Variants in ERG observed in about 807,000 individuals in gnomAD.
The protein encoded by ERG is transcriptional regulator ERG.
In ERG, 9 loss-of-function variants were observed where a neutral mutation model predicts 55.3. The observed-to-expected ratio is 0.16, with a 90% confidence interval of 0.10 to 0.28. The LOEUF (loss-of-function observed/expected upper bound fraction) is 0.28. Among genes scored for constraint, ERG ranks in the 10% least tolerant of loss-of-function variants. The pLI is 1.00. For missense variants in ERG, 434 were observed against 631.6 expected, an observed-to-expected ratio of 0.69 and a Z score of 3.35; for synonymous variants, 223 against 237.3, an observed-to-expected ratio of 0.94 and a Z score of 0.55.
intron 2 of ERG, among the ~76,000 whole-genome samples, chr21:38,504,878 C>T (rs2059448753): frequency 6.6e-6 from 1 of 152,204 alleles, no homozygotes; most frequent in Non-Finnish European, 1.5e-5. Flanking sequence ...AGATACTAAA[C>T]AGCATCACTT....
intron 2 of ERG, among the ~76,000 whole-genome samples, chr21:38,504,937 T>C (rs1203050911): frequency 6.6e-6 from 1 of 152,208 alleles, no homozygotes; most frequent in Non-Finnish European, 1.5e-5. Flanking sequence ...TTAAAGAAAA[T>C]ACAGATTACT....
chr21:38,512,466 A>G (rs541133216), intron 2 of ERG, among the ~76,000 whole-genome samples: 20 of 152,370 alleles, frequency 1.3e-4, no homozygotes, highest in Middle Eastern at 6.8e-3. Flanking sequence ...GATGTCTGCT[A>G]TTACACTGCT....
intron 1 of ERG, among the ~76,000 whole-genome samples, chr21:38,620,013 T>C (rs1234903106): frequency 6.6e-6 from 1 of 152,228 alleles, no homozygotes; most frequent in Non-Finnish European, 1.5e-5. Flanking sequence ...TGGGAAAGTA[T>C]GCAGTGAAAA....
chr21:38,472,226 A>C (rs1227345316), intron 1 of ERG: 5 of 152,214 alleles, frequency 3.3e-5, no homozygotes, highest in African/African-American at 7.2e-5. Flanking sequence ...GGAAGGAAGG[A>C]AGGCATGAAA....
intron 1 of ERG, among the ~76,000 whole-genome samples, chr21:38,648,849 G>C (rs1256893323): frequency 6.6e-6 from 1 of 152,138 alleles, no homozygotes; most frequent in East Asian, 1.9e-4. Flanking sequence ...TTAGTCCCTG[G>C]GTGTGTTGAC....
chr21:38,490,304 T>G (rs1456101849), intron 1 of ERG, among the ~76,000 whole-genome samples: 1 of 152,208 alleles, frequency 6.6e-6, no homozygotes, highest in East Asian at 1.9e-4. Flanking sequence ...GATTTTAGTC[T>G]TAGAAGAAAA....
chr21:38,470,355 A>G (rs77965054), intron 1 of ERG, among the ~76,000 whole-genome samples: 2,598 of 152,322 alleles, frequency 0.017, 50 homozygotes, highest in Middle Eastern at 0.099. Context: ...AAGGTGATGA[A>G]TAAACGGCAG....
At chr21:38,446,316 G>C (rs1410887327) in intron 1 of ERG, among the ~76,000 whole-genome samples, 2 of 149,012 alleles carry the variant, frequency 1.3e-5, no homozygotes, top group Non-Finnish European at 3.0e-5. Context: ...TCACTGACAA[G>C]CTCTTTTTTC....
rs929301973 is a variant in ERG, at chr21:38,440,738, G to A, written c.236+4666C>T. On this transcript the variant is annotated intron_variant, in intron 2 of 9. Transcript: ENST00000288319. ...CGGGAGGCAGAGGTTGCAGTGAGCC[G>A]AGATTGTGCCATTGCATTCCAGCCT... Among the ~76,000 whole-genome samples the A allele has an allele frequency of 4.8e-4, 70 of 145,610 alleles. 1 individual carries two copies. The highest frequency in any genetic ancestry group is 1.2e-3 in the Admixed American group (17 of 13,890).
chr21:38,633,172 G>C (rs1045756923), intron 1 of ERG, among the ~76,000 whole-genome samples: 3 of 152,294 alleles, frequency 2.0e-5, no homozygotes, highest in South Asian at 4.1e-4. Context: ...ATGTATCTAA[G>C]GGAGTGAAAT....
chr21:38,508,741 A>C (rs1448504915), intron 2 of ERG, among the ~76,000 whole-genome samples: 1 of 152,242 alleles, frequency 6.6e-6, no homozygotes, highest in Non-Finnish European at 1.5e-5. Flanking sequence ...CCCATCATGC[A>C]TAACCTTCTA....
chr21:38,425,909 A>G (rs1367525234), intron 2 of ERG, among the ~76,000 whole-genome samples: 1 of 152,248 alleles, frequency 6.6e-6, no homozygotes, highest in Non-Finnish European at 1.5e-5. Context: ...TGGGATGTGG[A>G]CAGGAAGGGA....
chr21:38,626,556 A>T (rs902936805), intron 1 of ERG, among the ~76,000 whole-genome samples: 6 of 152,176 alleles, frequency 3.9e-5, no homozygotes, highest in African/African-American at 1.4e-4. Context: ...TGACCTTTTA[A>T]GGTCAGTTTG....
chr21:38,465,389 A>G (rs1226759527), intron 1 of ERG, among the ~76,000 whole-genome samples: 1 of 152,212 alleles, frequency 6.6e-6, no homozygotes, highest in Non-Finnish European at 1.5e-5. Flanking sequence ...AGTGTTTGCC[A>G]AAGATTAGAG....
At chr21:38,417,541 C>A (rs952448713) in intron 3 of ERG, among the ~76,000 whole-genome samples, 1 of 152,196 alleles carries the variant, frequency 6.6e-6, no homozygotes, top group African/African-American at 2.4e-5. Context: ...GTAATCCCAG[C>A]ACTTTGGGTG....
chr21:38,436,414 C>T (rs1162619903), intron 2 of ERG, among the ~76,000 whole-genome samples: 1 of 152,140 alleles, frequency 6.6e-6, no homozygotes, highest in Non-Finnish European at 1.5e-5. Flanking sequence ...TTTGGTGCAT[C>T]TTGTCACTGC....
chr21:38,620,297 T>G (rs1463656463), intron 1 of ERG, among the ~76,000 whole-genome samples: 1 of 144,942 alleles, frequency 6.9e-6, no homozygotes, highest in Admixed American at 7.1e-5. Flanking sequence ...GGCGATGACT[T>G]ATTCTTTTGC....
chr21:38,410,971 C>T (rs952482016), intron 3 of ERG, among the ~76,000 whole-genome samples: 3 of 152,124 alleles, frequency 2.0e-5, no homozygotes, highest in Non-Finnish European at 4.4e-5. Context: ...ATATCACAAG[C>T]CTAGTGAGGT....
At chr21:38,459,346 G>A (rs2059019561) in intron 1 of ERG, among the ~76,000 whole-genome samples, 1 of 152,180 alleles carries the variant, frequency 6.6e-6, no homozygotes, top group Admixed American at 6.5e-5. Context: ...TTCTAAACAG[G>A]TCTAAGACAG....
Sources: allele counts gnomAD v4.1 joint callset (sites outside exome capture counted in the v4.1 genomes callset), GRCh38; gene constraint gnomAD v4.1.1; transcripts MANE v1.5; gene names NCBI Gene and HGNC (gene_info 2026-07-23, HGNC 2026-07-21).